Variants in KLHL14 observed in about 807,000 individuals in gnomAD.
The protein encoded by KLHL14 is kelch-like protein 14.
In KLHL14, 22 loss-of-function variants were observed where a neutral mutation model predicts 64.3. The observed-to-expected ratio is 0.34, with a 90% CI of 0.24 to 0.49. KLHL14 has a LOEUF of 0.49. Ranked by LOEUF, KLHL14 falls within the 20% of genes least tolerant of loss-of-function variation. The pLI, the probability that KLHL14 is intolerant of heterozygous loss-of-function variation, is 0.99. For missense variants in KLHL14, 661 were observed against 789.0 expected (o/e 0.84, Z 1.94); for synonymous variants, 322 against 333.4 (o/e 0.97, Z 0.37).
chr18:32,732,056 G>A (rs1342067435), intron 3 of KLHL14, among the ~76,000 whole-genome samples: 9 of 151,788 alleles, frequency 5.9e-5, no homozygotes, highest in Non-Finnish European at 1.2e-4. Flanking sequence ...CCCCAACAAC[G>A]CCACTAAAAA....
At chr18:32,696,043 C>G (rs2049935221) in intron 3 of KLHL14, among the ~76,000 whole-genome samples, 1 of 152,160 alleles carries the variant, frequency 6.6e-6, no homozygotes, top group Non-Finnish European at 1.5e-5. Context: ...CAGCAATGAA[C>G]AAGCTGAATT....
At chr18:32,705,455 G>A (rs1201295654) in intron 3 of KLHL14, among the ~76,000 whole-genome samples, 1 of 152,236 alleles carries the variant, frequency 6.6e-6, no homozygotes, top group African/African-American at 2.4e-5. Flanking sequence ...GGGTGTGGTG[G>A]CTCATGCCTG....
chr18:32,734,926 T>G (rs116166750), intron 3 of KLHL14, among the ~76,000 whole-genome samples: 271 of 152,324 alleles, frequency 1.8e-3, no homozygotes, highest in African/African-American at 6.3e-3. Context: ...ACATGCTCTT[T>G]GATGCTATGT....
At chr18:32,716,419 A>T (rs1403106584) in intron 3 of KLHL14, among the ~76,000 whole-genome samples, 1 of 130,150 alleles carries the variant, frequency 7.7e-6, no homozygotes, top group African/African-American at 3.0e-5. Flanking sequence ...AGCTTGCTTG[A>T]CTTTTTTTTT....
intron 3 of KLHL14, among the ~76,000 whole-genome samples, chr18:32,741,505 C>CT (rs1198613030): frequency 1.8e-4 from 28 of 152,254 alleles, no homozygotes; most frequent in African/African-American, 6.3e-4. Flanking sequence ...GCAAAAATGC[C>CT]TAAAAAGCAA....
In KLHL14 at chr18:32,723,812, C is replaced by A. The variant is rs181994807; in HGVS notation, c.1069+18116G>T. 7.2e-3 allele frequency among the ~76,000 whole-genome samples: 1,090 copies of A among 152,178 alleles called. 9 individuals are homozygous for A. Among genetic ancestry groups the A allele is most frequent in the Non-Finnish European group, 0.012 (800 of 67,996 alleles). On this transcript the variant is annotated intron_variant, in intron 3 of 8. Transcript: ENST00000359358. ...AGTTCTAAGATATTCTTGCCTTTTG[C>A]CCACATCTCTCAAAGTAGCTCTCTT...
At position 32,673,697 on chromosome 18, in the gene KLHL14, G is replaced by A. The variant is rs1172366127; in HGVS notation, c.*960C>T. 5.9e-5 allele frequency: 9 copies of A among 152,124 alleles called. No individual in the cohort carries two copies. The highest frequency in any genetic ancestry group is 1.3e-4 in the Admixed American group (2 of 15,256). 9.4% of individuals were successfully genotyped at this position (152,124 alleles called of 1,614,324 possible). On this transcript the variant is annotated 3_prime_UTR_variant, in exon 9 of 9. Transcript: ENST00000359358. ...TGTTTTAGAAACAGAAAGACAACTG[G>A]AATTCTACTTAATGGAAATTATTCT...
At chr18:32,763,517 G>A (rs1042025142) in intron 2 of KLHL14, among the ~76,000 whole-genome samples, 1 of 151,960 alleles carries the variant, frequency 6.6e-6, no homozygotes, top group Non-Finnish European at 1.5e-5. Flanking sequence ...CAGATAATTG[G>A]GTAAATTACT....
In KLHL14 at chr18:32,680,578, A is replaced by G. The variant is rs774010705; in HGVS notation, c.1260T>C (p.Cys420=). The G allele has an allele frequency of 2.9e-5, 47 of 1,611,784 alleles. 1 individual carries two copies. In the South Asian group the frequency reaches 3.8e-4, roughly 13 times the overall value. ...TTACGTATAAATGCTTGTCCAACCG[A>G]CATGCATAGAAACTGGCTCTTCTAC... is the stretch of plus-strand genomic sequence containing the variant. The part of the protein sequence containing the change: ...MQERRASFYA[C]RLDKHLYVIG... The change falls in exon 6 of 9, where the codon TGT becomes TGC. Residue 420 remains cysteine (C), a synonymous_variant. Transcript: ENST00000359358. This position sits in a 1 kb window ranked among gnomAD's most constrained non-coding sequence, Gnocchi z 4.8.
In KLHL14 at chr18:32,677,258, G is replaced by A; in HGVS notation, c.1661C>T (p.Thr554Ile). The stretch of plus-strand genomic sequence containing the variant: ...GCCACTTCGACCCTCCAAAATGGGA[G>A]TTTGGAGTATATTCCACTGGTCACC... Reference protein sequence around the residue: ...PKGDQWNILQTPILEGRSGPG... With the variant: ...PKGDQWNILQIPILEGRSGPG... The change falls in exon 8 of 9, where the codon ACT (threonine) becomes ATT (isoleucine). Residue 554 changes from threonine to isoleucine, a missense_variant. This residue lies in a region of KLHL14 where 330 missense variants were observed against 450.0 expected (regional missense o/e 0.73). Transcript: ENST00000359358. The A allele has an allele frequency of 1.9e-6, 3 of 1,613,604 alleles. No individual in the cohort carries two copies. The highest frequency in any genetic ancestry group is 2.5e-6 in the Non-Finnish European group (3 of 1,179,632).
chr18:32,736,002 C>T (rs548093477), intron 3 of KLHL14, among the ~76,000 whole-genome samples: 30 of 152,244 alleles, frequency 2.0e-4, no homozygotes, highest in South Asian at 1.7e-3. Context: ...TTAAACAGCC[C>T]GCATGACTCA....
At chr18:32,702,114 C>T (rs28470481) in intron 3 of KLHL14, among the ~76,000 whole-genome samples, 4,619 of 152,018 alleles carry the variant, frequency 0.03, 171 homozygotes, top group African/African-American at 0.083. Context: ...ATTTATGTTA[C>T]TTATAATTAC....
In KLHL14 at chr18:32,769,833, G is replaced by T; in HGVS notation, c.759C>A (p.Arg253=). 1.2e-6 allele frequency: 2 copies of T among 1,613,780 alleles called. No individual in the cohort carries two copies. The highest frequency in any genetic ancestry group is 1.7e-4 in the Middle Eastern group (1 of 6,060). ...VLWLEHDRET[R]MQYAPDLMKR... Reference sequence around the variant, plus strand: ...TCATGAGGTCAGGCGCATACTGCATGCGGGTCTCGCGGTCGTGCTCCAGCC... The same window carrying T: ...TCATGAGGTCAGGCGCATACTGCATTCGGGTCTCGCGGTCGTGCTCCAGCC... Residue 253 remains arginine, a synonymous_variant, in exon 2 of 9, where the codon CGC becomes CGA. Coordinates refer to ENST00000359358, the MANE Select transcript of KLHL14 (RefSeq NM_020805.3).
intron 5 of KLHL14, among the ~76,000 whole-genome samples, chr18:32,685,935 AAG>A (rs1417300434): frequency 5.3e-5 from 8 of 152,144 alleles, no homozygotes; most frequent in Non-Finnish European, 1.2e-4. Flanking sequence ...ATGTTATAAA[AAG>A]AGAGATATTC....
chr18:32,772,411 C>T (rs2050395081), intron 1 of KLHL14: 3 of 166,800 alleles, frequency 1.8e-5, no homozygotes, highest in South Asian at 1.4e-4. Context: ...GGTCATACCT[C>T]TCTCTAGCTC....
At chr18:32,675,958 T>TA (rs1422969340) in intron 8 of KLHL14, among the ~76,000 whole-genome samples, 1 of 152,150 alleles carries the variant, frequency 6.6e-6, no homozygotes, top group Non-Finnish European at 1.5e-5. Flanking sequence ...ATAATATTAT[T>TA]AAAACCACCA....
chr18:32,758,886 T>C (rs1193020637), intron 2 of KLHL14, among the ~76,000 whole-genome samples: 2 of 152,114 alleles, frequency 1.3e-5, no homozygotes, highest in Admixed American at 1.3e-4. Context: ...AATAGGCAAA[T>C]CTCCGGTGAC....
intron 3 of KLHL14, among the ~76,000 whole-genome samples, chr18:32,715,039 T>C (rs1035064934): frequency 1.3e-5 from 2 of 152,156 alleles, no homozygotes; most frequent in Non-Finnish European, 2.9e-5. Flanking sequence ...ATTTCATACA[T>C]GAGTCCTGAA....
At chr18:32,701,944 A>G (rs2049968121) in intron 3 of KLHL14, among the ~76,000 whole-genome samples, 3 of 152,206 alleles carry the variant, frequency 2.0e-5, no homozygotes, top group African/African-American at 4.8e-5. Context: ...GTTGGAACCC[A>G]TTTTTACATT....
Sources: allele counts gnomAD v4.1 joint callset (sites outside exome capture counted in the v4.1 genomes callset), GRCh38; gene constraint gnomAD v4.1.1; regional missense constraint gnomAD v4.1.1; non-coding constraint Gnocchi (gnomAD v3.1); transcripts MANE v1.5; gene names NCBI Gene and HGNC (gene_info 2026-07-23, HGNC 2026-07-21).